HECW2: variants seen among roughly 807,000 people sequenced by gnomAD.
The protein encoded by HECW2 is HECT, C2 and WW domain containing E3 ubiquitin protein ligase 2, also known as E3 ubiquitin-protein ligase HECW2.
Under a neutral mutation model 175.2 loss-of-function variants are expected in HECW2, and 61 were observed. The ratio of observed to expected loss-of-function variants is 0.35; its 90% CI spans 0.28 to 0.43. The LOEUF (loss-of-function observed/expected upper bound fraction) is 0.43, where lower values mean the gene tolerates loss of function less well. HECW2 is among the 20% of genes least tolerant of loss of function. The pLI, the probability that HECW2 is intolerant of heterozygous loss-of-function variation, is 1.00. For missense variants in HECW2, 1,524 were observed against 2,000.5 expected (o/e 0.76, Z 4.54); for synonymous variants, 671 against 731.0 (o/e 0.92, Z 1.32).
intron 1 of HECW2, among the ~76,000 whole-genome samples, chr2:196,579,455 C>A (rs1293847887): frequency 6.6e-6 from 1 of 151,954 alleles, no homozygotes. Context: ...TTAAACAATC[C>A]AGTCAAATGG....
At chr2:196,356,327 C>T (rs1049874775) in intron 2 of HECW2, among the ~76,000 whole-genome samples, 11 of 152,178 alleles carry the variant, frequency 7.2e-5, no homozygotes, top group Non-Finnish European at 1.3e-4. Flanking sequence ...GTACGGCAGT[C>T]ACCTCGTATC....
At chr2:196,330,924 G>C (rs975589355) in intron 4 of HECW2, among the ~76,000 whole-genome samples, 16 of 151,834 alleles carry the variant, frequency 1.1e-4, no homozygotes, top group African/African-American at 3.9e-4. Flanking sequence ...CTACTGCCCA[G>C]GTCTGATTTT....
At chr2:196,480,216 C>A (rs113689150) in intron 1 of HECW2, among the ~76,000 whole-genome samples, 2 of 152,318 alleles carry the variant, frequency 1.3e-5, no homozygotes, top group Middle Eastern at 3.4e-3. Flanking sequence ...GGGTCCCTCT[C>A]GTGTAGCTTT....
At chr2:196,351,349 G>A (rs981000667) in intron 2 of HECW2, among the ~76,000 whole-genome samples, 2 of 151,620 alleles carry the variant, frequency 1.3e-5, no homozygotes, top group African/African-American at 4.9e-5. Context: ...TGGATTTCCA[G>A]AAAATTATCC....
At chr2:196,243,821 C>T (rs544660699) in intron 19 of HECW2, among the ~76,000 whole-genome samples, 7 of 152,296 alleles carry the variant, frequency 4.6e-5, no homozygotes, top group African/African-American at 1.2e-4. Flanking sequence ...TCAGGTGATC[C>T]GCCCACCTCG....
intron 3 of HECW2, among the ~76,000 whole-genome samples, chr2:196,337,814 G>T (rs2105813168): frequency 6.6e-6 from 1 of 152,202 alleles, no homozygotes; most frequent in East Asian, 1.9e-4. Context: ...GCCAGGTCTA[G>T]CCTCAGGAGG....
At chr2:196,374,104 AAT>A (rs1218392711) in intron 2 of HECW2, among the ~76,000 whole-genome samples, 1 of 152,164 alleles carries the variant, frequency 6.6e-6, no homozygotes, top group Non-Finnish European at 1.5e-5. Flanking sequence ...AACGGTGAAT[AAT>A]ATGTCATGAT....
At chr2:196,430,579 G>C (rs751779144) in intron 2 of HECW2, among the ~76,000 whole-genome samples, 7 of 152,142 alleles carry the variant, frequency 4.6e-5, no homozygotes, top group Non-Finnish European at 8.8e-5. Flanking sequence ...AATCTCATAA[G>C]AGAAATGAAA....
chr2:196,508,398 A>C lies in HECW2; in HGVS notation c.-35-74940T>G, dbSNP rs115610066. On this transcript the variant is annotated intron_variant, in intron 1 of 28. Coordinates refer to ENST00000644978, the MANE Select transcript of HECW2 (RefSeq NM_001348768.2). The stretch of plus-strand genomic sequence containing the variant: ...ACAAATTGGAAAACAAAACCATTAA[A>C]CATTTTCTTCAAGATCACCATTTAA... Among the ~76,000 whole-genome samples the C allele has an allele frequency of 5.8e-3, 876 of 152,312 alleles. 11 individuals are homozygous for C. Among genetic ancestry groups the C allele is most frequent in the African/African-American group, 0.021 (853 of 41,556 alleles).
At chr2:196,239,502 A>G (rs1688371276) in intron 21 of HECW2, 1 of 152,244 alleles carries the variant, frequency 6.6e-6, no homozygotes, top group African/African-American at 2.4e-5. Context: ...TCCACTGTGT[A>G]CTGAATGGCT....
At chr2:196,217,535 G>C (rs918620633) in intron 26 of HECW2, 2 of 153,738 alleles carry the variant, frequency 1.3e-5, no homozygotes, top group African/African-American at 4.8e-5. Flanking sequence ...CTGGCAGAGG[G>C]GAGACACATT....
intron 13 of HECW2, among the ~76,000 whole-genome samples, chr2:196,295,334 T>TTGGC (rs1459069932): frequency 6.6e-6 from 1 of 152,240 alleles, no homozygotes; most frequent in Non-Finnish European, 1.5e-5. Context: ...TTTGGCTCTA[T>TTGGC]TGGCTGACTC....
chr2:196,437,209 G>A (rs1695903276), intron 1 of HECW2, among the ~76,000 whole-genome samples: 1 of 152,044 alleles, frequency 6.6e-6, no homozygotes, highest in Non-Finnish European at 1.5e-5. Context: ...CTAATTGGAA[G>A]CATGGATACA....
intron 1 of HECW2, among the ~76,000 whole-genome samples, chr2:196,478,281 C>T (rs569072328): frequency 1.5e-4 from 23 of 152,170 alleles, no homozygotes; most frequent in Non-Finnish European, 2.5e-4. Flanking sequence ...AGGATTTGGA[C>T]AGGCAGAAAG....
chr2:196,215,998 AAGG>A (rs1407262155), intron 27 of HECW2, 21 bp from the exon 28 acceptor site: 2 of 1,559,508 alleles, frequency 1.3e-6, no homozygotes, highest in Non-Finnish European at 1.8e-6. Flanking sequence ...AAGAAAACAG[AAGG>A]AGAAGGTGAA....
chr2:196,350,896 CTT>C (rs1028748788), intron 2 of HECW2, among the ~76,000 whole-genome samples: 4 of 152,188 alleles, frequency 2.6e-5, no homozygotes, highest in African/African-American at 9.7e-5. Flanking sequence ...TTTAAAGTGT[CTT>C]TGGAAGAGTT....
intron 17 of HECW2, among the ~76,000 whole-genome samples, chr2:196,269,656 T>C (rs544013310): frequency 6.6e-6 from 1 of 152,228 alleles, no homozygotes; most frequent in African/African-American, 2.4e-5. Context: ...GGAAAAATAA[T>C]GATGAGTTGG....
intron 2 of HECW2, among the ~76,000 whole-genome samples, chr2:196,415,760 G>T (rs1456413999): frequency 6.6e-6 from 1 of 152,158 alleles, no homozygotes; most frequent in East Asian, 1.9e-4. Flanking sequence ...AATAAGGAAA[G>T]AAACAAGTTT....
intron 9 of HECW2, 102 bp from the exon 10 acceptor site, chr2:196,317,471 TTC>T: frequency 1.2e-6 from 1 of 853,548 alleles, no homozygotes. Flanking sequence ...CTAGTTTCTT[TTC>T]TCTGTTTAGT....
Sources: gnomAD v4.1 joint callset for allele counts (sites outside exome capture counted in the v4.1 genomes callset) on GRCh38, gnomAD v4.1.1 for gene constraint, MANE v1.5 for transcripts, NCBI Gene and HGNC (gene_info 2026-07-23, HGNC 2026-07-21) for gene names.